The following JAKMIP3 variants were observed in gnomAD, a reference collection of about 807,000 sequenced individuals.
JAKMIP3 encodes Janus kinase and microtubule interacting protein 3.
Under a neutral mutation model 118.5 loss-of-function variants are expected in JAKMIP3, and 58 were observed. The ratio of observed to expected loss-of-function variants is 0.49; its 90% CI spans 0.40 to 0.61. JAKMIP3 has a LOEUF of 0.61. Among genes scored for constraint, JAKMIP3 ranks in the 20% least tolerant of loss-of-function variants. The pLI is 0.00. For synonymous variants in JAKMIP3, 486 were observed against 451.2 expected (o/e 1.08, Z -0.98); for missense variants, 950 against 1,109.0 (o/e 0.86, Z 2.04).
chr10:132,054,591 G>C (rs965589853), intron 1 of JAKMIP3, among the ~76,000 whole-genome samples: 4 of 152,206 alleles, frequency 2.6e-5, no homozygotes, highest in Non-Finnish European at 5.9e-5. Flanking sequence ...GTCTCTGCTA[G>C]GGCTGGTGCC....
chr10:132,082,450 C>T (rs2041894423), intron 1 of JAKMIP3, among the ~76,000 whole-genome samples: 1 of 152,124 alleles, frequency 6.6e-6, no homozygotes. Context: ...TGTAGCTTAG[C>T]TCCCACCTAC....
At chr10:132,140,665 G>A (rs1389676986) in intron 10 of JAKMIP3, 86 bp downstream of exon 10, 1 of 1,463,198 alleles carries the variant, frequency 6.8e-7, no homozygotes, top group Admixed American at 2.4e-5. Flanking sequence ...GAGGTAACGA[G>A]GGTCTCCTGC....
rs772445877 is a variant in JAKMIP3 at position 132,112,054 on chromosome 10, C to T, written c.136-5023C>T. ...GGCGGGGGTAGAGCGTGCGGGTGGA[C>T]GGTGCATGGGATGCTCCAGGCTTGG... On this transcript the variant is annotated intron_variant, in intron 2 of 23. Coordinates refer to ENST00000684848, the MANE Select transcript of JAKMIP3 (RefSeq NM_001323087.2). This position sits in a 1 kb window ranked among gnomAD's most constrained non-coding sequence, Gnocchi z 4.3. Among the ~76,000 whole-genome samples, 11 of 151,724 alleles carry T rather than the reference C, an allele frequency of 7.3e-5. No individual in the cohort carries two copies. The highest frequency in any genetic ancestry group is 2.1e-4 in the South Asian group (1 of 4,810).
intron 1 of JAKMIP3, among the ~76,000 whole-genome samples, chr10:132,089,709 C>T (rs954730611): frequency 2.6e-4 from 40 of 152,120 alleles, no homozygotes; most frequent in African/African-American, 8.7e-4. Context: ...TTTCTTTCTC[C>T]TGCCTGATTG....
intron 1 of JAKMIP3, among the ~76,000 whole-genome samples, chr10:132,042,182 CG>C (rs879642684): frequency 0.48 from 68,726 of 142,182 alleles, 17,671 homozygotes; most frequent in East Asian, 0.95. Flanking sequence ...CTTGCTCGCT[CG>C]CTCCTTCCTT....
chr10:132,129,550 C>CAGA lies in JAKMIP3; in HGVS notation c.634-3758_634-3756dup, dbSNP rs2050190688. ...AAATTCTGATCTTAGTGTCCTGCAACAGAAGAGGCCTCTGCAGCTCGGGCT... is the reference window on the plus strand; with the variant it reads ...AAATTCTGATCTTAGTGTCCTGCAACAGAAGAAGAGGCCTCTGCAGCTCGGGCT... On this transcript the variant is annotated intron_variant, in intron 3 of 23. Coordinates refer to ENST00000684848, the MANE Select transcript of JAKMIP3 (RefSeq NM_001323087.2). Among the ~76,000 whole-genome samples, 3 of 152,194 alleles carry CAGA rather than the reference C, an allele frequency of 2.0e-5. No individual in the cohort carries two copies. The South Asian group carries it at 6.2e-4, about 31-fold the overall frequency.
chr10:132,180,665 G>A (rs2060994716), intron 23 of JAKMIP3, among the ~76,000 whole-genome samples: 1 of 41,830 alleles, frequency 2.4e-5, no homozygotes, highest in African/African-American at 1.0e-4. Context: ...GTGCGTGTGT[G>A]CGTGTGTGTG....
In JAKMIP3 at chr10:132,136,018, A is replaced by G. The variant is rs769285311; in HGVS notation, c.1058A>G (p.His353Arg). 1.9e-6 allele frequency: 3 copies of G among 1,613,602 alleles called. No individual in the cohort carries two copies. Among genetic ancestry groups the G allele is most frequent in the Admixed American group, 1.7e-5 (1 of 60,002 alleles). ...RLSRKNEDLS[H>R]ALRRMENKLK... Reference sequence around the variant, plus strand: ...AGTCGGAAGAACGAGGATTTGTCTCATGCTTTACGCCGAATGGAAAACAAG... The same window carrying G: ...AGTCGGAAGAACGAGGATTTGTCTCGTGCTTTACGCCGAATGGAAAACAAG... Residue 353 changes from histidine to arginine, a missense_variant, in exon 6 of 24, where the codon CAT becomes CGT. By Grantham distance (29) the His-to-Arg change is conservative. Transcript: ENST00000684848.
chr10:132,116,467 G>A (rs1039518531), intron 2 of JAKMIP3, among the ~76,000 whole-genome samples: 1 of 147,994 alleles, frequency 6.8e-6, no homozygotes, highest in Non-Finnish European at 1.5e-5. Context: ...TCAAGTGTGT[G>A]TGTGCAACGT....
chr10:132,057,312 C>T (rs938500430), intron 1 of JAKMIP3, among the ~76,000 whole-genome samples: 3 of 152,212 alleles, frequency 2.0e-5, no homozygotes, highest in African/African-American at 7.2e-5. Context: ...TTCAGACCCA[C>T]TGGCTGGACG....
chr10:132,163,197 CT>C lies in JAKMIP3; in HGVS notation c.2221-10del. 1 of 1,550,848 alleles carries C rather than the reference CT, an allele frequency of 6.4e-7. No homozygotes were observed. Among genetic ancestry groups the C allele is most frequent in the Middle Eastern group, 2.0e-4 (1 of 5,006 alleles). ...GAAGGCAAGGACTAAGGCGTCTCCCCTTCCGCCCCAGCACATCCTGGAGCTG... is the reference window on the plus strand; with the variant it reads ...GAAGGCAAGGACTAAGGCGTCTCCCCTCCGCCCCAGCACATCCTGGAGCTG... On this transcript the variant is annotated splice_polypyrimidine_tract_variant and intron_variant, in intron 19 of 23. Coordinates refer to ENST00000684848, the MANE Select transcript of JAKMIP3 (RefSeq NM_001323087.2).
At chr10:132,127,160 A>G (rs1373666065) in intron 3 of JAKMIP3, among the ~76,000 whole-genome samples, 1 of 151,706 alleles carries the variant, frequency 6.6e-6, no homozygotes, top group African/African-American at 2.4e-5. Flanking sequence ...GTTTGGTAAA[A>G]TAGATTCTTC....
At position 132,046,502 on chromosome 10, in the gene JAKMIP3, G is replaced by GGT. The variant is rs1180912376; in HGVS notation, c.-138+9764_-138+9765insGT. On this transcript the variant is annotated intron_variant, in intron 1 of 23. Transcript: ENST00000657785. ...ATCCAGGGCGTCCACTTTGCACCTGGCTTTCTGTTCTCAGCATCGCGTCTT... is the reference window on the plus strand; with the variant it reads ...ATCCAGGGCGTCCACTTTGCACCTGGGTCTTTCTGTTCTCAGCATCGCGTCTT... Among the ~76,000 whole-genome samples the GGT allele has an allele frequency of 1.2e-4, 18 of 151,714 alleles. 1 individual carries two copies. The highest frequency in any genetic ancestry group is 1.0e-3 in the South Asian group (5 of 4,786).
intron 11 of JAKMIP3, among the ~76,000 whole-genome samples, chr10:132,143,289 C>G (rs905028575): frequency 6.6e-6 from 1 of 152,170 alleles, no homozygotes; most frequent in Non-Finnish European, 1.5e-5. Flanking sequence ...GTCAAGGCCT[C>G]GGTTCAGAGC....
intron 1 of JAKMIP3, among the ~76,000 whole-genome samples, chr10:132,037,607 G>A (rs1003974672): frequency 2.0e-5 from 3 of 152,284 alleles, no homozygotes; most frequent in Admixed American, 6.5e-5. Flanking sequence ...TGCTGGATTT[G>A]GTGGTGAATC....
intron 9 of JAKMIP3, among the ~76,000 whole-genome samples, chr10:132,139,062 G>GTA (rs1163549442): frequency 6.6e-6 from 1 of 150,542 alleles, no homozygotes; most frequent in East Asian, 2.0e-4. Flanking sequence ...GTGTGTGTGT[G>GTA]TGTGTGTATG....
chr10:132,066,853 T>C (rs554227733), intron 1 of JAKMIP3, among the ~76,000 whole-genome samples: 6 of 152,242 alleles, frequency 3.9e-5, no homozygotes, highest in African/African-American at 1.2e-4. Flanking sequence ...CAGTACGTTG[T>C]TGTACTGATG....
chr10:132,142,955 C>G (rs1174959766), intron 11 of JAKMIP3, among the ~76,000 whole-genome samples: 1 of 152,120 alleles, frequency 6.6e-6, no homozygotes, highest in Admixed American at 6.5e-5. Flanking sequence ...GGAGAGTGTC[C>G]ACAGAGCATC....
At chr10:132,145,452 C>T (rs367978406) in intron 12 of JAKMIP3, 66 bp from the exon 13 acceptor site, 92 of 1,411,782 alleles carry the variant, frequency 6.5e-5, no homozygotes, top group Non-Finnish European at 7.6e-5. Context: ...TGCCACATCA[C>T]GATTTAAACG....
Sources: gnomAD v4.1 joint callset for allele counts (sites outside exome capture counted in the v4.1 genomes callset) on GRCh38, gnomAD v4.1.1 for gene constraint, Gnocchi (gnomAD v3.1) non-coding constraint, MANE v1.5 for transcripts, NCBI Gene and HGNC (gene_info 2026-07-23, HGNC 2026-07-21) for gene names.